The following TFRC variants were observed in gnomAD, a reference collection of about 807,000 sequenced individuals.
The protein encoded by TFRC is transferrin receptor protein 1.
Under a neutral mutation model 85.8 loss-of-function variants are expected in TFRC, and 35 were observed. That is an observed-to-expected ratio of 0.41 (90% CI 0.31 to 0.54). TFRC has a LOEUF of 0.54. TFRC is among the 20% of genes least tolerant of loss of function. The pLI, the probability that TFRC is intolerant of heterozygous loss-of-function variation, is 0.31. For missense variants in TFRC, 828 were observed against 921.5 expected (o/e 0.90, Z 1.31); for synonymous variants, 362 against 328.6 (o/e 1.10, Z -1.10).
chr3:196,077,578 C>T (rs41300427), intron 1 of TFRC, among the ~76,000 whole-genome samples: 11,660 of 151,964 alleles, frequency 0.077, 564 homozygotes, highest in East Asian at 0.17. Flanking sequence ...ATGGAGAAAC[C>T]CTGTCTCTAC....
chr3:196,076,594 C>G (rs1354949359), intron 2 of TFRC, among the ~76,000 whole-genome samples: 3 of 152,034 alleles, frequency 2.0e-5, no homozygotes, highest in Non-Finnish European at 2.9e-5. Flanking sequence ...GGACTACAGG[C>G]ATGCGCCATG....
Position 196,051,534 on chromosome 3 carries a change from A to G in TFRC, c.*408T>C, listed in dbSNP as rs1260583084. 4.2e-6 allele frequency: 1 copy of G among 238,532 alleles called. No individual in the cohort carries two copies. The highest frequency in any genetic ancestry group is 6.3e-5 in the East Asian group (1 of 15,854). 14.8% of individuals were successfully genotyped at this position (238,532 alleles called of 1,614,324 possible). A position where few individuals can be genotyped will look rare whatever the true frequency, so the allele number is the denominator to read the frequency against. On this transcript the variant is annotated 3_prime_UTR_variant, in exon 19 of 19. Coordinates refer to ENST00000360110, the MANE Select transcript of TFRC (RefSeq NM_001128148.3). ...AAGGTCTTTCAACCTGGTATCTCCT[A>G]TTTAGCATCAAATGAAGTTGGAGGA...
chr3:196,053,108 C>G (rs1241547868), intron 18 of TFRC, among the ~76,000 whole-genome samples: 2 of 148,088 alleles, frequency 1.4e-5, no homozygotes, highest in Admixed American at 1.4e-4. Context: ...CAGTGAAACT[C>G]TGTCTCAAAA....
rs1046169516 is a variant in TFRC at position 196,049,772 on chromosome 3, C to T, written c.*2170G>A. ...CAGCTATGACCTTTTCACTTAGCTACGCTAAATGTCAGTCCAAGATAAAAG... is the reference window on the plus strand; with the variant it reads ...CAGCTATGACCTTTTCACTTAGCTATGCTAAATGTCAGTCCAAGATAAAAG... On this transcript the variant is annotated 3_prime_UTR_variant, in exon 19 of 19. Transcript: ENST00000360110. 9 of 229,730 alleles carry T rather than the reference C, an allele frequency of 3.9e-5. No homozygotes were observed. Among genetic ancestry groups the T allele is most frequent in the Admixed American group, 1.1e-4 (2 of 17,670 alleles). The allele number at this position is 229,730 out of a possible 1,614,324, so 14.2% of individuals were successfully genotyped here.
At position 196,051,914 on chromosome 3, in the gene TFRC, G is replaced by C; in HGVS notation, c.*28C>G. On this transcript the variant is annotated 3_prime_UTR_variant, in exon 19 of 19. Coordinates refer to ENST00000360110, the MANE Select transcript of TFRC (RefSeq NM_001128148.3). The stretch of plus-strand genomic sequence containing the variant: ...AGTCTAGAAACCAGACTACCCTGCT[G>C]TTCTCATGGAAGCTATGGGTATCAC... The C allele has an allele frequency of 5.0e-6, 8 of 1,609,568 alleles. No homozygotes were observed. Among genetic ancestry groups the C allele is most frequent in the Non-Finnish European group, 6.8e-6 (8 of 1,176,858 alleles).
Position 196,062,925 on chromosome 3 carries a change from T to A in TFRC, c.1333A>T (p.Ser445Cys). 1 of 1,614,124 alleles carries A rather than the reference T, an allele frequency of 6.2e-7. No homozygotes were observed. The highest frequency in any genetic ancestry group is 8.5e-7 in the Non-Finnish European group (1 of 1,180,022). The change falls in exon 12 of 19, where the codon AGC (serine) becomes TGC (cysteine). Residue 445 changes from serine to cysteine, a missense_variant. Transcript: ENST00000360110. ...DMVLKDGFQP[S>C]RSIIFASWSA... ...CAACTGGCAAAGATAATGCTTCTGC[T>A]GGGCTGAAACCCATCTGAAAGAGAA...
At chr3:196,062,801 C>G in intron 12 of TFRC, 53 bp downstream of exon 12, 1 of 1,593,602 alleles carries the variant, frequency 6.3e-7, no homozygotes, top group Non-Finnish European at 8.6e-7. Context: ...TTCTGGACAA[C>G]AGCCTAAGCC....
chr3:196,075,183 C>T lies in TFRC; in HGVS notation c.214G>A (p.Ala72Thr), dbSNP rs763556153. ...CSGSICYGTIAVIVFFLIGFM... is the reference protein window; with the variant it reads ...CSGSICYGTITVIVFFLIGFM... ...CCAATCAAGAAAAAGACGATCACAG[C>T]AATAGTCCCATAGCAGATACTTCCA... Residue 72 changes from alanine (A) to threonine (T), a missense_variant, in exon 3 of 19, where the codon GCT becomes ACT. Coordinates refer to ENST00000360110, the MANE Select transcript of TFRC (RefSeq NM_001128148.3). 1.2e-6 allele frequency: 2 copies of T among 1,614,022 alleles called. No homozygotes were observed. The highest frequency in any genetic ancestry group is 4.5e-5 in the East Asian group (2 of 44,874).
chr3:196,071,963 G>C (rs558256612), intron 5 of TFRC, 40 bp downstream of exon 5: 1 of 1,591,958 alleles, frequency 6.3e-7, no homozygotes, highest in South Asian at 1.1e-5. Flanking sequence ...CCTGAAAATA[G>C]CTACTTGTAT....
intron 5 of TFRC, 127 bp downstream of exon 5, chr3:196,071,876 C>T (rs1666606362): frequency 7.6e-6 from 8 of 1,051,460 alleles, no homozygotes; most frequent in Non-Finnish European, 1.1e-5. Context: ...TGCACTCCAG[C>T]CTGGGCAACA....
chr3:196,077,171 T>C, intron 1 of TFRC, 49 bp from the exon 2 acceptor site: 1 of 1,334,490 alleles, frequency 7.5e-7, no homozygotes. Flanking sequence ...CTGTATCAGA[T>C]TAGTGAGCTT....
chr3:196,072,103 C>T lies in TFRC; in HGVS notation c.484G>A (p.Asp162Asn), dbSNP rs767675597. The change falls in exon 5 of 19, where the codon GAT becomes AAT. Residue 162 changes from aspartate (D) to asparagine (N), a missense_variant. Coordinates refer to ENST00000360110, the MANE Select transcript of TFRC (RefSeq NM_001128148.3). ...TCAACATACAACGCAAGATTTTCAT[C>T]TTTTTGAGATCCAGCCTCACGAGGG... ...YVPREAGSQK[D>N]ENLALYVENQ... 6.2e-7 allele frequency: 1 copy of T among 1,614,124 alleles called. No homozygotes were observed. Among genetic ancestry groups the T allele is most frequent in the South Asian group, 1.1e-5 (1 of 91,078 alleles).
chr3:196,065,908 G>A (rs780510365), intron 9 of TFRC, among the ~76,000 whole-genome samples: 1 of 151,624 alleles, frequency 6.6e-6, no homozygotes, highest in Non-Finnish European at 1.5e-5. Context: ...AGAATCGCTT[G>A]AACCTGGGAG....
intron 1 of TFRC, among the ~76,000 whole-genome samples, chr3:196,081,366 G>A (rs1020398592): frequency 2.0e-5 from 3 of 152,216 alleles, no homozygotes; most frequent in South Asian, 2.1e-4. Context: ...AGAGCCGAAG[G>A]GTAAGTTTAC....
chr3:196,075,442 G>A (rs1313622890), intron 2 of TFRC, 82 bp from the exon 3 acceptor site: 2 of 1,331,334 alleles, frequency 1.5e-6, no homozygotes, highest in Non-Finnish European at 2.2e-6. Flanking sequence ...CTTGTTATTG[G>A]GCCATTACTA....
intron 1 of TFRC, among the ~76,000 whole-genome samples, chr3:196,081,053 G>A (rs543692822): frequency 6.6e-6 from 1 of 152,252 alleles, no homozygotes; most frequent in South Asian, 2.1e-4. Context: ...AGCGTTATCC[G>A]AAAAGAGCCG....
chr3:196,080,004 A>C (rs568182242), intron 1 of TFRC, among the ~76,000 whole-genome samples: 5 of 152,346 alleles, frequency 3.3e-5, no homozygotes, highest in African/African-American at 9.6e-5. Context: ...GTACTGGGGC[A>C]TGCCTGATGC....
intron 18 of TFRC, 148 bp downstream of exon 18, chr3:196,053,270 G>A (rs1208751805): frequency 1.2e-5 from 10 of 866,548 alleles, no homozygotes; most frequent in Middle Eastern, 3.3e-4. Context: ...GAATTAGACA[G>A]CAGAAACAGA....
intron 9 of TFRC, among the ~76,000 whole-genome samples, chr3:196,066,455 T>A (rs949437046): frequency 2.0e-4 from 30 of 150,448 alleles, no homozygotes; most frequent in African/African-American, 6.6e-4. Flanking sequence ...ACTGTCAAAA[T>A]AAAAAAAAAA....
Sources: gnomAD v4.1 joint callset for allele counts (sites outside exome capture counted in the v4.1 genomes callset) on GRCh38, gnomAD v4.1.1 for gene constraint, MANE v1.5 for transcripts, NCBI Gene and HGNC (gene_info 2026-07-23, HGNC 2026-07-21) for gene names.